The following KCNH7 variants were observed in gnomAD, a reference collection of about 807,000 sequenced individuals.
KCNH7 encodes the protein potassium voltage-gated channel subfamily H member 7.
A neutral mutation model predicts 120.8 loss-of-function variants in KCNH7; 49 were observed. The ratio of observed to expected loss-of-function variants is 0.41; its 90% CI spans 0.32 to 0.51. KCNH7 has a LOEUF of 0.51. Ranked by LOEUF, KCNH7 falls within the 20% of genes least tolerant of loss-of-function variation. KCNH7 has a pLI of 0.38. For synonymous variants in KCNH7, 547 were observed against 516.1 expected (o/e 1.06, Z -0.81); for missense variants, 1,097 against 1,446.6 (o/e 0.76, Z 3.92).
chr2:162,421,815 A>G (rs1381896168), intron 9 of KCNH7, among the ~76,000 whole-genome samples: 1 of 152,182 alleles, frequency 6.6e-6, no homozygotes, highest in Non-Finnish European at 1.5e-5. Context: ...AACTAGAGTT[A>G]CATGGAGGGG....
intron 2 of KCNH7, among the ~76,000 whole-genome samples, chr2:162,737,915 A>T (rs1269658315): frequency 6.6e-6 from 1 of 152,076 alleles, no homozygotes; most frequent in Non-Finnish European, 1.5e-5. Context: ...AAATACAAAA[A>T]TTAGCCACGT....
intron 2 of KCNH7, among the ~76,000 whole-genome samples, chr2:162,716,154 C>T (rs542258281): frequency 6.6e-6 from 1 of 152,102 alleles, no homozygotes; most frequent in African/African-American, 2.4e-5. Flanking sequence ...ACTTCAAGTC[C>T]TTTTCTATGA....
intron 2 of KCNH7, among the ~76,000 whole-genome samples, chr2:162,734,696 ATT>A (rs74833688): frequency 8.1e-5 from 12 of 148,296 alleles, no homozygotes; most frequent in Admixed American, 3.4e-4. Context: ...ATTGGAGAGC[ATT>A]TTTTTTTTTA....
chr2:162,554,060 A>G (rs1456330899), intron 2 of KCNH7, among the ~76,000 whole-genome samples: 1 of 152,192 alleles, frequency 6.6e-6, no homozygotes, highest in Admixed American at 6.5e-5. Context: ...CAACAGTAGC[A>G]TGTTAAGCTA....
chr2:162,432,588 G>A (rs1039819666), intron 8 of KCNH7, among the ~76,000 whole-genome samples: 1 of 151,860 alleles, frequency 6.6e-6, no homozygotes, highest in African/African-American at 2.4e-5. Flanking sequence ...TGAATCTTTA[G>A]AAATAAACCA....
intron 2 of KCNH7, among the ~76,000 whole-genome samples, chr2:162,658,276 C>T (rs981085442): frequency 6.6e-5 from 10 of 151,974 alleles, no homozygotes; most frequent in African/African-American, 2.2e-4. Context: ...ATTGTTTTTG[C>T]TCCTTTGTTA....
At chr2:162,635,659 T>G (rs1683928928) in intron 2 of KCNH7, among the ~76,000 whole-genome samples, 1 of 152,256 alleles carries the variant, frequency 6.6e-6, no homozygotes, top group South Asian at 2.1e-4. Context: ...TCACCTCTTC[T>G]TTGTCTTTGT....
intron 2 of KCNH7, among the ~76,000 whole-genome samples, chr2:162,821,030 G>T (rs920739739): frequency 6.6e-6 from 1 of 152,072 alleles, no homozygotes; most frequent in Non-Finnish European, 1.5e-5. Context: ...GACAACAAAG[G>T]TTACACACAA....
Position 162,480,739 on chromosome 2 carries a change from G to T in KCNH7, c.1128+23704C>A, listed in dbSNP as rs1002910399. ...CTGAGAACATTGGGCCAGTTTATCA[G>T]ATAGTCATCCATGATATGAAGGGAA... On this transcript the variant is annotated intron_variant, in intron 6 of 15. Coordinates refer to ENST00000332142, the MANE Select transcript of KCNH7 (RefSeq NM_033272.4). Among the ~76,000 whole-genome samples, 3 of 152,268 alleles carry T rather than the reference G, an allele frequency of 2.0e-5. No individual in the cohort carries two copies. The South Asian group carries it at 6.2e-4, about 32-fold the overall frequency.
chr2:162,657,284 C>T (rs1050938313), intron 2 of KCNH7, among the ~76,000 whole-genome samples: 2 of 152,138 alleles, frequency 1.3e-5, no homozygotes, highest in Non-Finnish European at 2.9e-5. Context: ...TTTCACTGCA[C>T]TAAATAACCT....
chr2:162,597,823 T>C lies in KCNH7; in HGVS notation c.308-60743A>G, dbSNP rs529340241. Among the ~76,000 whole-genome samples, 8 of 152,236 alleles carry C rather than the reference T, an allele frequency of 5.3e-5. No individual in the cohort carries two copies. In the East Asian group the frequency reaches 1.5e-3, roughly 29 times the overall value. On this transcript the variant is annotated intron_variant, in intron 2 of 15. Coordinates refer to ENST00000332142, the MANE Select transcript of KCNH7 (RefSeq NM_033272.4). ...ATTGTATCCCATAAGTATATGCAAT[T>C]ATTGTCAACTAAAAATAAGAATGAA...
chr2:162,577,344 C>CTGTCTAT (rs1559025375), intron 2 of KCNH7, among the ~76,000 whole-genome samples: 2 of 121,078 alleles, frequency 1.7e-5, no homozygotes, highest in East Asian at 5.9e-4. Flanking sequence ...TATCATCTAT[C>CTGTCTAT]CATCCTATCT....
intron 2 of KCNH7, among the ~76,000 whole-genome samples, chr2:162,723,495 A>G (rs781040985): frequency 1.3e-4 from 20 of 152,246 alleles, no homozygotes; most frequent in Non-Finnish European, 2.5e-4. Flanking sequence ...AAATCTTGGA[A>G]TGTACCACCC....
intron 8 of KCNH7, among the ~76,000 whole-genome samples, chr2:162,432,434 A>T (rs1688100062): frequency 6.6e-6 from 1 of 152,056 alleles, no homozygotes; most frequent in Non-Finnish European, 1.5e-5. Flanking sequence ...TTTTATATAA[A>T]GTAGACAATA....
At position 162,537,024 on chromosome 2, in the gene KCNH7, C is replaced by G; in HGVS notation, c.364G>C (p.Ala122Pro). 1 of 1,612,536 alleles carries G rather than the reference C, an allele frequency of 6.2e-7. No homozygotes were observed. Among genetic ancestry groups the G allele is most frequent in the Non-Finnish European group, 8.5e-7 (1 of 1,178,964 alleles). ...TCAAAATTAATGATGAACATCATAGCCACGCCCTCTTGGTTTTTCACTGGA... is the reference window on the plus strand; with the variant it reads ...TCAAAATTAATGATGAACATCATAGGCACGCCCTCTTGGTTTTTCACTGGA... ...IIPVKNQEGV[A>P]MMFIINFEYV... Residue 122 changes from alanine (A) to proline (P), a missense_variant, in exon 3 of 16, where the codon GCT becomes CCT. This residue lies in a region of KCNH7 where 362 missense variants were observed against 372.2 expected (regional missense o/e 0.97). Coordinates refer to ENST00000332142, the MANE Select transcript of KCNH7 (RefSeq NM_033272.4).
intron 2 of KCNH7, among the ~76,000 whole-genome samples, chr2:162,678,027 C>A (rs1265837382): frequency 6.6e-6 from 1 of 151,374 alleles, no homozygotes; most frequent in Non-Finnish European, 1.5e-5. Flanking sequence ...TTAAAAGGAT[C>A]TTTGTAAATA....
intron 2 of KCNH7, among the ~76,000 whole-genome samples, chr2:162,816,414 G>T (rs902190914): frequency 6.6e-6 from 1 of 151,932 alleles, no homozygotes; most frequent in East Asian, 1.9e-4. Context: ...GGTCATTTCT[G>T]CCCTTTCCCA....
rs565501850 is a variant in KCNH7, at chr2:162,492,389, T to C, written c.1128+12054A>G. Among the ~76,000 whole-genome samples the C allele has an allele frequency of 9.3e-4, 141 of 152,346 alleles. 1 individual carries two copies. Among genetic ancestry groups the C allele is most frequent in the African/African-American group, 3.1e-3 (131 of 41,590 alleles). ...TTTTATGTCTTTGGGGGCTTGACCT[T>C]GTAACCACGTGGCAGTACTCTCTTT... On this transcript the variant is annotated intron_variant, in intron 6 of 15. Transcript: ENST00000332142.
At chr2:162,579,695 G>A (rs755701060) in intron 2 of KCNH7, among the ~76,000 whole-genome samples, 14 of 152,024 alleles carry the variant, frequency 9.2e-5, no homozygotes, top group Non-Finnish European at 1.9e-4. Flanking sequence ...CTTCTGAAAT[G>A]TAACAAGCCT....
Sources: gnomAD v4.1 joint callset for allele counts (sites outside exome capture counted in the v4.1 genomes callset) on GRCh38, gnomAD v4.1.1 for gene constraint, gnomAD v4.1.1 regional missense constraint, MANE v1.5 for transcripts, NCBI Gene and HGNC (gene_info 2026-07-23, HGNC 2026-07-21) for gene names.